Variants in GMPR observed in about 807,000 individuals in gnomAD.
GMPR encodes guanosine monophosphate reductase.
Under a neutral mutation model 38.4 loss-of-function variants are expected in GMPR, and 31 were observed. That is an observed-to-expected ratio of 0.81 (90% CI 0.61 to 1.09). GMPR has a LOEUF of 1.09. GMPR is among the 50% of genes least tolerant of loss of function. GMPR has a pLI of 0.00. For missense variants in GMPR, 468 were observed against 453.7 expected, an observed-to-expected ratio of 1.03 and a Z score of -0.29; for synonymous variants, 162 against 173.3, an observed-to-expected ratio of 0.93 and a Z score of 0.51.
intron 7 of GMPR, among the ~76,000 whole-genome samples, chr6:16,288,216 G>C (rs560062212): frequency 6.6e-6 from 1 of 152,372 alleles, no homozygotes; most frequent in South Asian, 2.1e-4. Context: ...GCTGGCCAAG[G>C]CCGGAGCCGG....
In GMPR at chr6:16,238,662, T is replaced by TCGC. The variant is rs755887221; in HGVS notation, c.-22_-20dup. On this transcript the variant is annotated 5_prime_UTR_variant, in exon 1 of 9. Coordinates refer to ENST00000259727, the MANE Select transcript of GMPR (RefSeq NM_006877.4). ...CCGCGCAGGCGCCCCCGCCCCGCCG[T>TCGC]CGCCGCCGCCGCAGCCAGGAGCCGC... is the stretch of plus-strand genomic sequence containing the variant. The TCGC allele has an allele frequency of 5.1e-6, 6 of 1,167,446 alleles. No individual in the cohort carries two copies. The highest frequency in any genetic ancestry group is 4.2e-5 in the East Asian group (1 of 24,062). 72.3% of individuals were successfully genotyped at this position (1,167,446 alleles called of 1,614,324 possible).
At position 16,241,343 on chromosome 6, in the gene GMPR, A is replaced by G. The variant is rs115850622; in HGVS notation, c.87+2563A>G. 6.3e-3 allele frequency among the ~76,000 whole-genome samples: 959 copies of G among 152,340 alleles called. 14 individuals are homozygous for G. Among genetic ancestry groups the G allele is most frequent in the African/African-American group, 0.022 (910 of 41,580 alleles). ...CATCAGGCTATAGCAGGAAACGGAC[A>G]GTAAGAGTGATCTCCCCCTCAGAAG... On this transcript the variant is annotated intron_variant, in intron 1 of 8. Coordinates refer to ENST00000259727, the MANE Select transcript of GMPR (RefSeq NM_006877.4).
chr6:16,268,732 A>T (rs1016953524), intron 4 of GMPR, among the ~76,000 whole-genome samples: 1 of 152,172 alleles, frequency 6.6e-6, no homozygotes, highest in Non-Finnish European at 1.5e-5. Flanking sequence ...AAAAGTGGTT[A>T]CTGTTTAATG....
At position 16,254,630 on chromosome 6, in the gene GMPR, GC is replaced by G. The variant is rs1306098077; in HGVS notation, c.362del (p.Pro121HisfsTer22). The G allele has an allele frequency of 1.2e-6, 2 of 1,613,682 alleles. No homozygotes were observed. Among genetic ancestry groups the G allele is most frequent in the Admixed American group, 3.3e-5 (2 of 60,030 alleles). ...EKMTSILEAV[P>X]QVKFICLDVA... ...AGATGACCAGCATCCTGGAAGCTGTGCCACAGGTTAAGTTTATTTGCCTGGA... is the reference window on the plus strand; with the variant it reads ...AGATGACCAGCATCCTGGAAGCTGTGCACAGGTTAAGTTTATTTGCCTGGA... On this transcript the variant is annotated frameshift_variant, in exon 4 of 9. Coordinates refer to ENST00000259727, the MANE Select transcript of GMPR (RefSeq NM_006877.4). LOFTEE classifies it high-confidence loss of function.
rs150633249 is a variant in GMPR, at chr6:16,279,760, C to T, written c.654+870C>T. Reference sequence around the variant, plus strand: ...GGGCAGCAGGAGATAAGCTTGAGGGCAAGTATGGACAAGAGCTGTGGGATC... The same window carrying T: ...GGGCAGCAGGAGATAAGCTTGAGGGTAAGTATGGACAAGAGCTGTGGGATC... On this transcript the variant is annotated intron_variant, in intron 6 of 8. Coordinates refer to ENST00000259727, the MANE Select transcript of GMPR (RefSeq NM_006877.4). 2.3e-4 allele frequency among the ~76,000 whole-genome samples: 35 copies of T among 152,224 alleles called. No individual in the cohort carries two copies. The East Asian group carries it at 5.8e-3, about 25-fold the overall frequency.
chr6:16,253,923 T>C (rs936277619), intron 3 of GMPR, among the ~76,000 whole-genome samples: 13 of 152,102 alleles, frequency 8.5e-5, no homozygotes, highest in African/African-American at 3.1e-4. Flanking sequence ...CATTATTTTT[T>C]TTTTTAGTGG....
At chr6:16,286,067 G>C (rs1759672245) in intron 7 of GMPR, among the ~76,000 whole-genome samples, 1 of 152,168 alleles carries the variant, frequency 6.6e-6, no homozygotes, top group Non-Finnish European at 1.5e-5. Context: ...AGCCAGGAGT[G>C]GGTGAAGTCA....
At chr6:16,274,062 C>T (rs1759433307) in intron 4 of GMPR, among the ~76,000 whole-genome samples, 1 of 152,276 alleles carries the variant, frequency 6.6e-6, no homozygotes, top group South Asian at 2.1e-4. Flanking sequence ...GATCTGCCTG[C>T]TTCGGGCTCC....
At chr6:16,287,043 C>T (rs1051761296) in intron 7 of GMPR, among the ~76,000 whole-genome samples, 3 of 152,168 alleles carry the variant, frequency 2.0e-5, no homozygotes, top group African/African-American at 7.2e-5. Flanking sequence ...GGTATTTAAC[C>T]TCCTCCTAAT....
intron 7 of GMPR, among the ~76,000 whole-genome samples, chr6:16,287,622 G>A (rs761770576): frequency 1.5e-4 from 23 of 152,222 alleles, no homozygotes; most frequent in Non-Finnish European, 3.1e-4. Context: ...TCCTGCTGTT[G>A]ACATCTGCTC....
chr6:16,295,319 C>T lies in GMPR; in HGVS notation c.*133C>T, dbSNP rs1220437413. ...GAATGCTGTGTCCTCTCTTCTGTCTCCTGCTGCCTGGAGGCTTCGGGGCTC... is the reference window on the plus strand; with the variant it reads ...GAATGCTGTGTCCTCTCTTCTGTCTTCTGCTGCCTGGAGGCTTCGGGGCTC... On this transcript the variant is annotated 3_prime_UTR_variant, in exon 9 of 9. Transcript: ENST00000259727. 13 of 685,594 alleles carry T rather than the reference C, an allele frequency of 1.9e-5. No homozygotes were observed. The highest frequency in any genetic ancestry group is 2.9e-5 in the Non-Finnish European group (13 of 455,532). The allele number at this position is 685,594 out of a possible 1,614,324, so 42.5% of individuals were successfully genotyped here. A position where few individuals can be genotyped will look rare whatever the true frequency, so the allele number is the denominator to read the frequency against.
intron 6 of GMPR, among the ~76,000 whole-genome samples, chr6:16,282,308 AT>A (rs1759589874): frequency 6.6e-6 from 1 of 152,152 alleles, no homozygotes; most frequent in Non-Finnish European, 1.5e-5. Flanking sequence ...GGACCAGTTA[AT>A]TTTTTGTTAT....
intron 4 of GMPR, among the ~76,000 whole-genome samples, chr6:16,271,523 A>T (rs1759385380): frequency 6.6e-6 from 1 of 152,182 alleles, no homozygotes; most frequent in African/African-American, 2.4e-5. Context: ...TGGTGGGCTT[A>T]GAGTAGCTTC....
chr6:16,258,427 G>C (rs1454301681), intron 4 of GMPR, among the ~76,000 whole-genome samples: 1 of 152,236 alleles, frequency 6.6e-6, no homozygotes, highest in Non-Finnish European at 1.5e-5. Flanking sequence ...GAAGGAGGGG[G>C]CTGGGTAAGA....
In GMPR at chr6:16,278,810, A is replaced by G; in HGVS notation, c.574A>G (p.Thr192Ala). ...TTCTGTGTGCACCACCCGCACCAAG[A>G]CGGGAGTGGGGTACCCCCAGCTGAG... is the stretch of plus-strand genomic sequence containing the variant. ...PGSVCTTRTK[T>A]GVGYPQLSAV... Residue 192 changes from threonine to alanine, a missense_variant, in exon 6 of 9, where the codon ACG (threonine) becomes GCG (alanine). Thr to Ala is a moderately conservative substitution (Grantham distance 58). Coordinates refer to ENST00000259727, the MANE Select transcript of GMPR (RefSeq NM_006877.4). The G allele has an allele frequency of 1.9e-6, 3 of 1,613,982 alleles. No homozygotes were observed. The highest frequency in any genetic ancestry group is 2.2e-5 in the East Asian group (1 of 44,886).
intron 4 of GMPR, among the ~76,000 whole-genome samples, chr6:16,271,601 G>A (rs2113691667): frequency 6.6e-6 from 1 of 152,254 alleles, no homozygotes; most frequent in African/African-American, 2.4e-5. Flanking sequence ...TGGAGCTCGC[G>A]CCCTGCTTCT....
chr6:16,245,594 C>T (rs1758736785), intron 1 of GMPR, among the ~76,000 whole-genome samples: 1 of 152,216 alleles, frequency 6.6e-6, no homozygotes. Flanking sequence ...GCACCCACTT[C>T]TAATGTAGTT....
At chr6:16,286,262 G>A (rs530323198) in intron 7 of GMPR, among the ~76,000 whole-genome samples, 1 of 152,174 alleles carries the variant, frequency 6.6e-6, no homozygotes, top group South Asian at 2.1e-4. Context: ...CCGCTAGGGG[G>A]CAGCAGTGCC....
intron 6 of GMPR, among the ~76,000 whole-genome samples, chr6:16,283,408 T>G (rs1759612800): frequency 1.3e-5 from 2 of 152,180 alleles, no homozygotes. Context: ...TTGAACACTT[T>G]TGGAAATATA....
Sources: gnomAD v4.1 joint callset for allele counts (sites outside exome capture counted in the v4.1 genomes callset) on GRCh38, gnomAD v4.1.1 for gene constraint, MANE v1.5 for transcripts, NCBI Gene and HGNC (gene_info 2026-07-23, HGNC 2026-07-21) for gene names.